Variants in SH3BGRL observed in about 807,000 individuals in gnomAD.
SH3BGRL encodes adapter SH3BGRL.
In SH3BGRL, 7 loss-of-function variants were observed where a neutral mutation model predicts 9.8. The observed-to-expected ratio is 0.72, with a 90% CI of 0.41 to 1.35. The LOEUF (loss-of-function observed/expected upper bound fraction) is 1.35, where lower values mean the gene tolerates loss of function less well. SH3BGRL is among the 40% of genes most tolerant of loss of function. The pLI is 0.01. For missense variants in SH3BGRL, 73 were observed against 84.4 expected, an observed-to-expected ratio of 0.86 and a Z score of 0.53; for synonymous variants, 36 against 29.1, an observed-to-expected ratio of 1.24 and a Z score of -0.76.
At chrX:81,227,460 C>T (rs1476691887) in intron 1 of SH3BGRL, among the ~76,000 whole-genome samples, 1 of 111,778 alleles carries the variant, frequency 8.9e-6, no homozygotes, top group African/African-American at 3.2e-5. Flanking sequence ...GGGCCTGTCT[C>T]ATCACTTGGA....
At chrX:81,255,988 T>C (rs188472245) in intron 1 of SH3BGRL, among the ~76,000 whole-genome samples, 30 of 112,437 alleles carry the variant, frequency 2.7e-4, no homozygotes, top group African/African-American at 9.7e-4. Context: ...AGAATTTTCA[T>C]GTGTGTTTCT....
chrX:81,253,845 T>C (rs1273657036), intron 1 of SH3BGRL, among the ~76,000 whole-genome samples: 1 of 112,052 alleles, frequency 8.9e-6, no homozygotes. Context: ...CCTTGAAAGA[T>C]ATAGTGTCTC....
At chrX:81,236,874 G>T (rs2075649753) in intron 1 of SH3BGRL, among the ~76,000 whole-genome samples, 1 of 104,752 alleles carries the variant, frequency 9.5e-6, no homozygotes, top group Non-Finnish European at 2.0e-5. Flanking sequence ...TGTGAGGGAA[G>T]GACGGAGGGA....
Position 81,232,396 on chromosome X carries a change from GTGATGA to G in SH3BGRL, c.45+30183_45+30188del, listed in dbSNP as rs199805990. On this transcript the variant is annotated intron_variant, in intron 1 of 3. Transcript: ENST00000373212. ...TAAATAAATAAATAGTAGTGAATTAGTGATGATGATGATGATGATGATGATGATGAT... is the reference window on the plus strand; with the variant it reads ...TAAATAAATAAATAGTAGTGAATTAGTGATGATGATGATGATGATGATGAT... Among the ~76,000 whole-genome samples the G allele has an allele frequency of 2.3e-3, 248 of 107,340 alleles. 1 individual carries two copies. Among genetic ancestry groups the G allele is most frequent in the African/African-American group, 7.0e-3 (204 of 29,276 alleles). 93.2% of individuals were successfully genotyped at this position (107,340 alleles called of 115,157 possible).
At chrX:81,221,693 T>A (rs756124753) in intron 1 of SH3BGRL, among the ~76,000 whole-genome samples, 17 of 112,041 alleles carry the variant, frequency 1.5e-4, no homozygotes, top group Non-Finnish European at 2.8e-4. Flanking sequence ...ATCAAGGTTG[T>A]TCTTTTTAAA....
intron 3 of SH3BGRL, among the ~76,000 whole-genome samples, chrX:81,283,203 G>T (rs1263918547): frequency 9.0e-6 from 1 of 111,398 alleles, no homozygotes; most frequent in African/African-American, 3.3e-5. Context: ...AAAAGTCCAG[G>T]ATTAGCCTGA....
chrX:81,270,665 G>C (rs2075775263), intron 1 of SH3BGRL, among the ~76,000 whole-genome samples: 2 of 112,080 alleles, frequency 1.8e-5, no homozygotes, highest in African/African-American at 3.2e-5. Context: ...GTGTCTCCCA[G>C]TCAGGCTACA....
chrX:81,276,691 C>A (rs1399343418), intron 1 of SH3BGRL, among the ~76,000 whole-genome samples: 1 of 110,882 alleles, frequency 9.0e-6, no homozygotes, highest in Non-Finnish European at 1.9e-5. Context: ...TTGGAGTTAA[C>A]TGCATTTTTA....
rs769136012 is a variant in SH3BGRL at position 81,210,512 on chromosome X, C to T, written c.45+8267C>T. Among the ~76,000 whole-genome samples, 3 of 111,290 alleles carry T rather than the reference C, an allele frequency of 2.7e-5. No individual in the cohort carries two copies. The East Asian group carries it at 8.5e-4, about 31-fold the overall frequency. On this transcript the variant is annotated intron_variant, in intron 1 of 3. Transcript: ENST00000373212. Reference sequence around the variant, plus strand: ...GCTATAATTCATTGAGTCAGGCACACCGGTAAGAACTTTACATGTATTGTT... The same window carrying T: ...GCTATAATTCATTGAGTCAGGCACATCGGTAAGAACTTTACATGTATTGTT...
chrX:81,243,564 A>G (rs1326118423), intron 1 of SH3BGRL, among the ~76,000 whole-genome samples: 1 of 111,475 alleles, frequency 9.0e-6, no homozygotes, highest in Non-Finnish European at 1.9e-5. Context: ...GCACAAAAGT[A>G]TAAATGCTTG....
chrX:81,290,926 G>A (rs903602680), intron 3 of SH3BGRL, among the ~76,000 whole-genome samples: 8 of 111,039 alleles, frequency 7.2e-5, no homozygotes, highest in African/African-American at 2.3e-4. Context: ...GGTCCTTAGA[G>A]GAAAAAGGAT....
At chrX:81,284,171 A>G (rs1039624367) in intron 3 of SH3BGRL, among the ~76,000 whole-genome samples, 1 of 111,396 alleles carries the variant, frequency 9.0e-6, no homozygotes, top group African/African-American at 3.3e-5. Flanking sequence ...CATAGATAAC[A>G]CAAAAATGGA....
At chrX:81,208,890 A>C (rs908854425) in intron 1 of SH3BGRL, among the ~76,000 whole-genome samples, 3 of 111,853 alleles carry the variant, frequency 2.7e-5, no homozygotes, top group African/African-American at 3.3e-5. Context: ...ATCAGGCAAA[A>C]AATTCAAATA....
At chrX:81,279,880 C>T (rs763534281) in intron 3 of SH3BGRL, among the ~76,000 whole-genome samples, 10 of 111,725 alleles carry the variant, frequency 9.0e-5, no homozygotes, top group Admixed American at 3.8e-4. Flanking sequence ...ACTTCACAGG[C>T]AAGGGAAGAA....
chrX:81,265,349 A>G (rs1395164350), intron 1 of SH3BGRL, among the ~76,000 whole-genome samples: 3 of 108,429 alleles, frequency 2.8e-5, no homozygotes, highest in Non-Finnish European at 1.9e-5. Flanking sequence ...TCCCAATGTT[A>G]TCCCTCCCCT....
intron 1 of SH3BGRL, among the ~76,000 whole-genome samples, chrX:81,210,694 C>A (rs942041477): frequency 3.6e-5 from 4 of 111,844 alleles, no homozygotes; most frequent in Admixed American, 1.9e-4. Context: ...CTATTCTTCC[C>A]ACTTGATGAT....
chrX:81,257,094 T>G (rs2075727541), intron 1 of SH3BGRL, among the ~76,000 whole-genome samples: 1 of 111,655 alleles, frequency 9.0e-6, no homozygotes, highest in African/African-American at 3.3e-5. Flanking sequence ...GTCACAGATA[T>G]GATAGCAGGC....
intron 3 of SH3BGRL, among the ~76,000 whole-genome samples, chrX:81,286,032 CCTT>C (rs2075832984): frequency 9.0e-6 from 1 of 111,495 alleles, no homozygotes; most frequent in African/African-American, 3.3e-5. Context: ...GGCAAAGAAT[CCTT>C]CTGTGTAAGA....
intron 3 of SH3BGRL, among the ~76,000 whole-genome samples, chrX:81,293,102 T>C (rs974910403): frequency 9.0e-6 from 1 of 111,618 alleles, no homozygotes; most frequent in Non-Finnish European, 1.9e-5. Context: ...TGGGGGCAGT[T>C]TCCCCCATAC....
Sources: gnomAD v4.1 joint callset for allele counts (sites outside exome capture counted in the v4.1 genomes callset) on GRCh38, gnomAD v4.1.1 for gene constraint, MANE v1.5 for transcripts, NCBI Gene and HGNC (gene_info 2026-07-23, HGNC 2026-07-21) for gene names.